ENTREP2: variants seen among roughly 807,000 people sequenced by gnomAD.
ENTREP2 encodes the protein endosomal transmembrane epsin interactor 2.
chr15:29,442,624 T>C, the ENTREP2 span, among the ~76,000 whole-genome samples: 2 of 152,120 alleles, frequency 1.3e-5, no homozygotes, highest in African/African-American at 2.4e-5. Flanking sequence ...GGGCATGCTG[T>C]CACTTCCTCT....
chr15:29,159,689 G>A, the ENTREP2 span, among the ~76,000 whole-genome samples: 1 of 112,148 alleles, frequency 8.9e-6, no homozygotes, highest in East Asian at 3.6e-4. Context: ...CCCCACCAGA[G>A]TAGCTAGATA....
chr15:29,214,690 T>TAA, the ENTREP2 span, among the ~76,000 whole-genome samples: 48,589 of 141,474 alleles, frequency 0.34, 9,092 homozygotes, highest in East Asian at 0.59. Flanking sequence ...AGTATAATAA[T>TAA]AAAAAAAAAA....
the ENTREP2 span, among the ~76,000 whole-genome samples, chr15:29,309,858 CAT>C: frequency 6.6e-6 from 1 of 151,092 alleles, no homozygotes; most frequent in Non-Finnish European, 1.5e-5. Flanking sequence ...TGAACAATAA[CAT>C]ATGTCATGCC....
the ENTREP2 span, among the ~76,000 whole-genome samples, chr15:29,336,483 AT>A: frequency 6.5e-4 from 98 of 151,882 alleles, no homozygotes; most frequent in Non-Finnish European, 1.2e-3. Context: ...GCTAAATTTT[AT>A]TTTTTTAGTA....
chr15:29,515,230 G>A, the ENTREP2 span, among the ~76,000 whole-genome samples: 1 of 152,172 alleles, frequency 6.6e-6, no homozygotes, highest in Admixed American at 6.6e-5. Context: ...GGTCAGACCT[G>A]AGTCCTGACC....
chr15:29,446,323 C>T, the ENTREP2 span, among the ~76,000 whole-genome samples: 1 of 152,180 alleles, frequency 6.6e-6, no homozygotes, highest in African/African-American at 2.4e-5. Flanking sequence ...TTAGGAGTGG[C>T]CATGTGACCC....
the ENTREP2 span, among the ~76,000 whole-genome samples, chr15:29,521,569 C>A: frequency 6.6e-6 from 1 of 152,088 alleles, no homozygotes; most frequent in Non-Finnish European, 1.5e-5. Flanking sequence ...CCATTTGCTA[C>A]CTTTCAGTAA....
chr15:29,219,793 T>G, the ENTREP2 span, among the ~76,000 whole-genome samples: 1 of 151,356 alleles, frequency 6.6e-6, no homozygotes, highest in Non-Finnish European at 1.5e-5. Flanking sequence ...ATGTTCTCAC[T>G]AATATGTGGG....
chr15:29,300,398 AATGGATGG>A, the ENTREP2 span, among the ~76,000 whole-genome samples: 92 of 129,058 alleles, frequency 7.1e-4, no homozygotes, highest in South Asian at 7.2e-3. Context: ...TAGATGGATA[AATGGATGG>A]ATGGATGGAT....
At chr15:29,224,128 C>T in the ENTREP2 span, among the ~76,000 whole-genome samples, 2 of 152,102 alleles carry the variant, frequency 1.3e-5, no homozygotes, top group Admixed American at 6.5e-5. Flanking sequence ...ACAGTTTCTT[C>T]CTTCTGGTGG....
the ENTREP2 span, among the ~76,000 whole-genome samples, chr15:29,478,126 G>C: frequency 1.9e-4 from 28 of 144,180 alleles, no homozygotes; most frequent in African/African-American, 5.5e-4. Context: ...CCGGGTTCAC[G>C]CCATTCTCCT....
chr15:29,311,500 G>T, the ENTREP2 span, among the ~76,000 whole-genome samples: 2 of 152,216 alleles, frequency 1.3e-5, no homozygotes, highest in African/African-American at 4.8e-5. Context: ...GCCCAGCCTG[G>T]CCAACATGGC....
At chr15:29,145,388 C>T in the ENTREP2 span, among the ~76,000 whole-genome samples, 3 of 152,010 alleles carry the variant, frequency 2.0e-5, no homozygotes, top group Admixed American at 6.5e-5. Context: ...TTTGGGAGGC[C>T]GAGGTGGGCA....
the ENTREP2 span, among the ~76,000 whole-genome samples, chr15:29,529,307 G>A: frequency 5.3e-5 from 8 of 150,074 alleles, no homozygotes; most frequent in South Asian, 2.1e-4. Context: ...GGAAGGCTAC[G>A]CCTCACTCAG....
chr15:29,371,901 A>AAAAT, the ENTREP2 span, among the ~76,000 whole-genome samples: 12 of 124,074 alleles, frequency 9.7e-5, no homozygotes, highest in Non-Finnish European at 1.9e-4. Context: ...AGAGAAGGCA[A>AAAAT]AAATAAATAA....
the ENTREP2 span, among the ~76,000 whole-genome samples, chr15:29,382,874 C>G: frequency 6.6e-6 from 1 of 152,184 alleles, no homozygotes; most frequent in Admixed American, 6.5e-5. Flanking sequence ...AGCCCCACAA[C>G]TCCAAGGAAA....
the ENTREP2 span, among the ~76,000 whole-genome samples, chr15:29,422,842 C>T: frequency 1.3e-5 from 2 of 152,174 alleles, no homozygotes; most frequent in Admixed American, 1.3e-4. Context: ...AACTTGTACT[C>T]CATGGAATTA....
At chr15:29,593,268 AC>A in the ENTREP2 span, among the ~76,000 whole-genome samples, 1 of 152,204 alleles carries the variant, frequency 6.6e-6, no homozygotes, top group South Asian at 2.1e-4. Flanking sequence ...CACTTGGCTC[AC>A]CTCCTGTGCC....
chr15:29,354,532 G>A, the ENTREP2 span, among the ~76,000 whole-genome samples: 2 of 152,164 alleles, frequency 1.3e-5, no homozygotes, highest in Non-Finnish European at 2.9e-5. Flanking sequence ...ATGGAGACAC[G>A]TTCTAAGACA....
Sources: gnomAD v4.1 joint callset for allele counts (sites outside exome capture counted in the v4.1 genomes callset) on GRCh38, gnomAD v4.1.1 for gene constraint, MANE v1.5 for transcripts, NCBI Gene and HGNC (gene_info 2026-07-23, HGNC 2026-07-21) for gene names.